NAALADL2: variants seen among roughly 807,000 people sequenced by gnomAD.
NAALADL2 encodes inactive N-acetylated-alpha-linked acidic dipeptidase-like protein 2.
NAALADL2 carries 76 observed loss-of-function variants against 87.2 expected under a neutral mutation model. That is an observed-to-expected ratio of 0.87 (90% CI 0.72 to 1.05). The LOEUF is 1.05. Ranked by LOEUF, NAALADL2 falls within the 50% of genes least tolerant of loss-of-function variation. The probability of loss-of-function intolerance (pLI) is 0.00; values close to 1 mark genes in which losing one functional copy is unlikely to be tolerated. For synonymous variants in NAALADL2, 354 were observed against 331.0 expected (o/e 1.07, Z -0.75); for missense variants, 1,089 against 945.8 (o/e 1.15, Z -1.99).
chr3:175,709,815 C>A (rs1328558609), intron 11 of NAALADL2, among the ~76,000 whole-genome samples: 1 of 151,964 alleles, frequency 6.6e-6, no homozygotes, highest in Non-Finnish European at 1.5e-5. Flanking sequence ...GTATATTGTG[C>A]CAAAGCCTGG....
At chr3:175,354,883 C>A (rs3067320) in intron 5 of NAALADL2, among the ~76,000 whole-genome samples, 1 of 106,604 alleles carries the variant, frequency 9.4e-6, no homozygotes, top group Non-Finnish European at 2.2e-5. Context: ...CATATATATA[C>A]ACACACACAC....
At chr3:175,572,391 C>T (rs918608231) in intron 9 of NAALADL2, among the ~76,000 whole-genome samples, 2 of 148,868 alleles carry the variant, frequency 1.3e-5, no homozygotes, top group African/African-American at 5.0e-5. Flanking sequence ...CACTCTGTTG[C>T]CATCTTAGTT....
At chr3:175,733,137 T>C (rs890098830) in intron 11 of NAALADL2, among the ~76,000 whole-genome samples, 2 of 152,188 alleles carry the variant, frequency 1.3e-5, no homozygotes, top group African/African-American at 4.8e-5. Context: ...GAAGATCAAA[T>C]TGAATTATAT....
At chr3:174,872,528 A>G (rs1236896941) in intron 1 of NAALADL2, among the ~76,000 whole-genome samples, 3 of 152,210 alleles carry the variant, frequency 2.0e-5, no homozygotes, top group African/African-American at 7.2e-5. Context: ...TTTAAATTTA[A>G]ACATGCTAAA....
At chr3:175,775,470 A>G (rs1306352220) in intron 13 of NAALADL2, among the ~76,000 whole-genome samples, 1 of 152,122 alleles carries the variant, frequency 6.6e-6, no homozygotes, top group Non-Finnish European at 1.5e-5. Flanking sequence ...CCTCATTAAA[A>G]CAAACAAATG....
intron 3 of NAALADL2, among the ~76,000 whole-genome samples, chr3:174,748,050 C>G (rs1181855119): frequency 6.6e-6 from 1 of 152,068 alleles, no homozygotes; most frequent in African/African-American, 2.4e-5. Flanking sequence ...CCTCAGCAAA[C>G]TAACACAGGA....
At chr3:174,755,936 G>T (rs1475487409) in intron 3 of NAALADL2, among the ~76,000 whole-genome samples, 1 of 152,164 alleles carries the variant, frequency 6.6e-6, no homozygotes, top group Non-Finnish European at 1.5e-5. Context: ...CCATTGTGTA[G>T]GCAGAGGTTT....
intron 10 of NAALADL2, among the ~76,000 whole-genome samples, chr3:175,584,100 C>A (rs1011171602): frequency 6.6e-6 from 1 of 150,418 alleles, no homozygotes; most frequent in East Asian, 2.0e-4. Flanking sequence ...TGCATTGGTG[C>A]GATCTCAGCT....
intron 1 of NAALADL2, among the ~76,000 whole-genome samples, chr3:174,991,596 G>C (rs999521113): frequency 2.0e-5 from 3 of 151,994 alleles, no homozygotes; most frequent in South Asian, 4.1e-4. Flanking sequence ...ACAACAAAAA[G>C]CTGGAAGACA....
chr3:175,162,226 T>A (rs1214272291), intron 2 of NAALADL2, among the ~76,000 whole-genome samples: 1 of 152,162 alleles, frequency 6.6e-6, no homozygotes, highest in African/African-American at 2.4e-5. Context: ...CCTATCCCCA[T>A]CAATTAAATG....
At chr3:174,950,014 T>C (rs546268600) in intron 1 of NAALADL2, among the ~76,000 whole-genome samples, 4 of 152,126 alleles carry the variant, frequency 2.6e-5, no homozygotes, top group African/African-American at 9.7e-5. Flanking sequence ...GCAGATCAAA[T>C]CCAGCCTGGT....
At chr3:174,899,548 C>A (rs1406592968) in intron 1 of NAALADL2, among the ~76,000 whole-genome samples, 1 of 152,154 alleles carries the variant, frequency 6.6e-6, no homozygotes, top group Non-Finnish European at 1.5e-5. Context: ...GGTGATGTGT[C>A]TGCTTCCCCT....
chr3:175,802,814 A>G (rs916819756), intron 13 of NAALADL2, among the ~76,000 whole-genome samples, 191 bp from the exon 14 acceptor site: 3 of 151,962 alleles, frequency 2.0e-5, no homozygotes, highest in Non-Finnish European at 4.4e-5. Flanking sequence ...TTTCTCATCA[A>G]TATGGGAAAC....
At chr3:175,258,273 A>G (rs1004432841) in intron 4 of NAALADL2, among the ~76,000 whole-genome samples, 1 of 139,174 alleles carries the variant, frequency 7.2e-6, no homozygotes, top group Middle Eastern at 4.2e-3. Flanking sequence ...ACGCCACTGC[A>G]CTCCAGCCTG....
At chr3:175,128,071 A>G (rs1273632356) in intron 2 of NAALADL2, among the ~76,000 whole-genome samples, 2 of 152,220 alleles carry the variant, frequency 1.3e-5, no homozygotes, top group Non-Finnish European at 2.9e-5. Context: ...AAGTGTACAC[A>G]TCTATGAATG....
intron 1 of NAALADL2, among the ~76,000 whole-genome samples, chr3:174,467,486 G>T (rs993727728): frequency 6.6e-6 from 1 of 151,242 alleles, no homozygotes; most frequent in Non-Finnish European, 1.5e-5. Flanking sequence ...CCAGCTACTC[G>T]GGAAGCTGAA....
At chr3:175,366,011 C>A (rs1211140334) in intron 5 of NAALADL2, among the ~76,000 whole-genome samples, 3 of 72,308 alleles carry the variant, frequency 4.1e-5, no homozygotes, top group East Asian at 5.1e-4. Context: ...CTAATGCTAA[C>A]CCTCCCCCCT....
intron 5 of NAALADL2, among the ~76,000 whole-genome samples, chr3:175,357,720 T>C (rs1764551388): frequency 6.6e-6 from 1 of 152,226 alleles, no homozygotes; most frequent in South Asian, 2.1e-4. Flanking sequence ...ATGCATTTTC[T>C]GTCTTCTTTG....
chr3:175,075,547 T>G (rs1716431603), intron 1 of NAALADL2, among the ~76,000 whole-genome samples: 1 of 152,184 alleles, frequency 6.6e-6, no homozygotes, highest in Admixed American at 6.5e-5. Context: ...TCCATTTTAG[T>G]CCCTGGGACT....
Sources: gnomAD v4.1 joint callset for allele counts (sites outside exome capture counted in the v4.1 genomes callset) on GRCh38, gnomAD v4.1.1 for gene constraint, MANE v1.5 for transcripts, NCBI Gene and HGNC (gene_info 2026-07-23, HGNC 2026-07-21) for gene names.